Variants in CAPRIN1 observed in about 807,000 individuals in gnomAD.
CAPRIN1 encodes the protein caprin-1.
CAPRIN1 carries 29 observed loss-of-function variants against 100.9 expected under a neutral mutation model. The ratio of observed to expected loss-of-function variants is 0.29; its 90% confidence interval spans 0.21 to 0.39. The LOEUF (loss-of-function observed/expected upper bound fraction) is 0.39. CAPRIN1 is among the 10% of genes least tolerant of loss of function. CAPRIN1 has a pLI of 1.00. For synonymous variants in CAPRIN1, 338 were observed against 307.5 expected, an observed-to-expected ratio of 1.10 and a Z score of -1.04; for missense variants, 795 against 876.7, an observed-to-expected ratio of 0.91 and a Z score of 1.18.
Position 34,093,461 on chromosome 11 carries a change from C to T in CAPRIN1, c.1705+1405C>T, listed in dbSNP as rs151197796. 1.2e-4 allele frequency among the ~76,000 whole-genome samples: 18 copies of T among 152,248 alleles called. No homozygotes were observed. In the East Asian group the frequency reaches 3.3e-3, roughly 28 times the overall value. On this transcript the variant is annotated intron_variant, in intron 15 of 18. Transcript: ENST00000341394. The stretch of plus-strand genomic sequence containing the variant: ...AATTTAATTGGAATCCCACAACAAA[C>T]CAGCAGTCAGAGGAGTTAATACTTT...
At chr11:34,053,009 G>A (rs1850362665) in intron 2 of CAPRIN1, 4 of 1,049,084 alleles carry the variant, frequency 3.8e-6, no homozygotes, top group Non-Finnish European at 4.6e-6. Flanking sequence ...CTCTGACGAG[G>A]GCCCAAAATG....
At chr11:34,057,439 T>C (rs1490354347) in intron 2 of CAPRIN1, among the ~76,000 whole-genome samples, 4 of 152,188 alleles carry the variant, frequency 2.6e-5, no homozygotes, top group South Asian at 4.1e-4. Flanking sequence ...GCCAAATTAG[T>C]GTACTCTAGG....
At position 34,100,040 on chromosome 11, in the gene CAPRIN1, TTTGA is replaced by T. The variant is rs1228469466; in HGVS notation, c.*677_*680del. 1 of 152,658 alleles carries T rather than the reference TTTGA, an allele frequency of 6.6e-6. No homozygotes were observed. Among genetic ancestry groups the T allele is most frequent in the Admixed American group, 6.5e-5 (1 of 15,280 alleles). The allele number at this position is 152,658 out of a possible 1,614,324, so 9.5% of individuals were successfully genotyped here. On this transcript the variant is annotated 3_prime_UTR_variant, in exon 19 of 19. Coordinates refer to ENST00000341394, the MANE Select transcript of CAPRIN1 (RefSeq NM_005898.5). ...ACAAAGCCAAGATGCAAAATTAGGC[TTTGA>T]TTGGCACTTTTTGAAAAATATGCAA...
rs961987557 is a variant in CAPRIN1 at position 34,070,705 on chromosome 11, ACT to A, written c.217-1018_217-1017del. The stretch of plus-strand genomic sequence containing the variant: ...GCCACCGTGCCTGGCCCGAAAAAAT[ACT>A]CTTTTTTTTTTGGATGCAAAATTTC... On this transcript the variant is annotated intron_variant, in intron 2 of 18. Transcript: ENST00000341394. 4.3e-5 allele frequency among the ~76,000 whole-genome samples: 6 copies of A among 140,082 alleles called. No homozygotes were observed. In the East Asian group the frequency reaches 1.1e-3, roughly 26 times the overall value. The allele number at this position is 140,082 out of a possible 152,430, so 91.9% of individuals were successfully genotyped here.
chr11:34,069,907 T>TAAAA (rs59107049), intron 2 of CAPRIN1, among the ~76,000 whole-genome samples: 1 of 137,976 alleles, frequency 7.2e-6, no homozygotes, highest in Non-Finnish European at 1.6e-5. Context: ...TCATTTGACC[T>TAAAA]AAAAAAAAAA....
At chr11:34,090,126 A>T in intron 12 of CAPRIN1, 53 bp from the exon 13 acceptor site, 3 of 1,159,904 alleles carry the variant, frequency 2.6e-6, no homozygotes, top group South Asian at 1.3e-5. Flanking sequence ...TTGTTTTTTT[A>T]ACAGTCAATT....
At chr11:34,054,711 C>A (rs974295520) in intron 2 of CAPRIN1, among the ~76,000 whole-genome samples, 1 of 152,114 alleles carries the variant, frequency 6.6e-6, no homozygotes, top group African/African-American at 2.4e-5. Context: ...GGAGTGAGCC[C>A]CTGTGCCCGG....
intron 2 of CAPRIN1, among the ~76,000 whole-genome samples, chr11:34,058,433 G>C (rs114167182): frequency 3.3e-5 from 5 of 152,130 alleles, no homozygotes; most frequent in Admixed American, 6.6e-5. Flanking sequence ...CACCACACCC[G>C]GCCTCTTAAA....
chr11:34,061,122 A>C (rs1019559526), intron 2 of CAPRIN1, among the ~76,000 whole-genome samples: 14 of 152,012 alleles, frequency 9.2e-5, no homozygotes, highest in Admixed American at 1.3e-4. Flanking sequence ...AAAATTGGAC[A>C]AACGGCTTGT....
intron 2 of CAPRIN1, among the ~76,000 whole-genome samples, chr11:34,056,211 C>T (rs565801638): frequency 4.6e-5 from 7 of 152,218 alleles, no homozygotes; most frequent in African/African-American, 9.6e-5. Context: ...CTATTCTTAT[C>T]GGAGCCTTCT....
At chr11:34,053,946 C>T (rs188911980) in intron 2 of CAPRIN1, among the ~76,000 whole-genome samples, 2 of 152,262 alleles carry the variant, frequency 1.3e-5, no homozygotes, top group East Asian at 1.9e-4. Context: ...TCTAGGAAAA[C>T]ATATTTATAA....
At chr11:34,096,321 G>C in intron 15 of CAPRIN1, 158 bp from the exon 16 acceptor site, 1 of 564,914 alleles carries the variant, frequency 1.8e-6, no homozygotes, top group East Asian at 3.0e-5. Flanking sequence ...AAAGGTAAGA[G>C]ACTTTATTCA....
chr11:34,060,082 G>C (rs1390636441), intron 2 of CAPRIN1, among the ~76,000 whole-genome samples: 2 of 150,272 alleles, frequency 1.3e-5, no homozygotes, highest in African/African-American at 4.9e-5. Context: ...TGTAGTTCCA[G>C]CTACTTGGGA....
chr11:34,054,303 G>T (rs531415647), intron 2 of CAPRIN1, among the ~76,000 whole-genome samples: 1 of 152,230 alleles, frequency 6.6e-6, no homozygotes, highest in East Asian at 1.9e-4. Flanking sequence ...GTTACATCAA[G>T]AAAGTAACAA....
chr11:34,075,662 A>G (rs10047428), intron 4 of CAPRIN1, among the ~76,000 whole-genome samples: 126,967 of 152,244 alleles, frequency 0.83, 54,174 homozygotes, highest in East Asian at 1. Context: ...TAGATACTCA[A>G]AGTTAGAACT....
At position 34,096,542 on chromosome 11, in the gene CAPRIN1, C is replaced by T. The variant is rs767217443; in HGVS notation, c.1769C>T (p.Pro590Leu). ...CAAGTGACTGGTAACCACCAGCAGC[C>T]TCCTCAGCAGAACACTGGATTTCCA... ...SHQVTGNHQQ[P>L]PQQNTGFPRS... The change falls in exon 16 of 19, where the codon CCT becomes CTT. Residue 590 changes from proline to leucine, a missense_variant. Coordinates refer to ENST00000341394, the MANE Select transcript of CAPRIN1 (RefSeq NM_005898.5). 1 of 1,614,142 alleles carries T rather than the reference C, an allele frequency of 6.2e-7. No homozygotes were observed. The highest frequency in any genetic ancestry group is 1.7e-5 in the Admixed American group (1 of 60,030).
intron 2 of CAPRIN1, among the ~76,000 whole-genome samples, chr11:34,064,679 A>C (rs1202381704): frequency 2.0e-5 from 3 of 152,172 alleles, no homozygotes; most frequent in Admixed American, 2.0e-4. Context: ...TTAACTTCTG[A>C]GGTGTCAGCT....
intron 2 of CAPRIN1, among the ~76,000 whole-genome samples, chr11:34,060,225 T>C (rs551133205): frequency 6.9e-6 from 1 of 144,544 alleles, no homozygotes; most frequent in Non-Finnish European, 1.5e-5. Context: ...AAAAGCTGGG[T>C]AGCATTAGCA....
chr11:34,061,032 T>C (rs1850566169), intron 2 of CAPRIN1, among the ~76,000 whole-genome samples: 1 of 152,168 alleles, frequency 6.6e-6, no homozygotes, highest in Non-Finnish European at 1.5e-5. Context: ...GCTGCTTCAA[T>C]TCACTCAGAC....
Sources: gnomAD v4.1 joint callset for allele counts (sites outside exome capture counted in the v4.1 genomes callset) on GRCh38, gnomAD v4.1.1 for gene constraint, MANE v1.5 for transcripts, NCBI Gene and HGNC (gene_info 2026-07-23, HGNC 2026-07-21) for gene names.